Variants in ADGRL2 observed in about 807,000 individuals in gnomAD.
The protein encoded by ADGRL2 is calcium-independent alpha-latrotoxin receptor 2.
In ADGRL2, 44 loss-of-function variants were observed where a neutral mutation model predicts 157.4. The observed-to-expected ratio is 0.28, with a 90% CI of 0.22 to 0.36. The LOEUF is 0.36. Among genes scored for constraint, ADGRL2 ranks in the 10% least tolerant of loss-of-function variants. The pLI, the probability that ADGRL2 is intolerant of heterozygous loss-of-function variation, is 1.00. For missense variants in ADGRL2, 1,510 were observed against 1,768.9 expected, an observed-to-expected ratio of 0.85 and a Z score of 2.63; for synonymous variants, 585 against 624.7, an observed-to-expected ratio of 0.94 and a Z score of 0.95.
intron 1 of ADGRL2, among the ~76,000 whole-genome samples, chr1:81,341,711 T>TA (rs5775608): frequency 0.23 from 35,437 of 151,974 alleles, 4,514 homozygotes; most frequent in Middle Eastern, 0.36. Context: ...TACCTTTCTA[T>TA]AAAAACATGT....
At chr1:81,357,809 T>A (rs1395627355) in intron 1 of ADGRL2, among the ~76,000 whole-genome samples, 5 of 152,160 alleles carry the variant, frequency 3.3e-5, no homozygotes, top group Non-Finnish European at 7.4e-5. Context: ...GGCTCTAATG[T>A]GCATGCCATT....
chr1:81,534,053 G>T (rs966461904), intron 2 of ADGRL2, among the ~76,000 whole-genome samples: 5 of 152,196 alleles, frequency 3.3e-5, no homozygotes, highest in African/African-American at 1.2e-4. Flanking sequence ...AATTCTGGTT[G>T]TGCTGTTTAT....
intron 3 of ADGRL2, among the ~76,000 whole-genome samples, chr1:81,667,001 C>T (rs1458579527): frequency 6.6e-6 from 1 of 152,098 alleles, no homozygotes; most frequent in Non-Finnish European, 1.5e-5. Flanking sequence ...TAGAAAGTGG[C>T]CACATCTATT....
At chr1:81,907,604 C>CTTTTT (rs199996498) in intron 3 of ADGRL2, among the ~76,000 whole-genome samples, 2 of 148,438 alleles carry the variant, frequency 1.3e-5, no homozygotes, top group Non-Finnish European at 3.0e-5. Flanking sequence ...TGCTACTTAA[C>CTTTTT]TTTTTTTTTT....
intron 1 of ADGRL2, among the ~76,000 whole-genome samples, chr1:81,834,260 G>C (rs2092143073): frequency 6.6e-6 from 1 of 152,124 alleles, no homozygotes; most frequent in Non-Finnish European, 1.5e-5. Flanking sequence ...ATTAATGTGG[G>C]AATCATTTGA....
chr1:81,577,471 C>T (rs2080820765), intron 2 of ADGRL2, among the ~76,000 whole-genome samples: 1 of 152,134 alleles, frequency 6.6e-6, no homozygotes, highest in Non-Finnish European at 1.5e-5. Flanking sequence ...TCGCTAGTCT[C>T]CTTGGTGATA....
At chr1:81,401,999 G>A (rs1405958843) in intron 1 of ADGRL2, among the ~76,000 whole-genome samples, 1 of 152,112 alleles carries the variant, frequency 6.6e-6, no homozygotes, top group South Asian at 2.1e-4. Context: ...TTGTTTGTTT[G>A]TTTGTTTTGC....
intron 3 of ADGRL2, among the ~76,000 whole-genome samples, chr1:81,644,501 A>G (rs1278171956): frequency 6.6e-6 from 1 of 152,222 alleles, no homozygotes; most frequent in Admixed American, 6.5e-5. Context: ...TAAAATATAC[A>G]AAGAACTCCT....
At chr1:81,725,290 A>G (rs2149146741) in intron 1 of ADGRL2, among the ~76,000 whole-genome samples, 1 of 151,602 alleles carries the variant, frequency 6.6e-6, no homozygotes, top group Non-Finnish European at 1.5e-5. Context: ...TTGTAATCCC[A>G]GCACTTTGGG....
intron 2 of ADGRL2, among the ~76,000 whole-genome samples, chr1:81,537,996 G>A (rs138833750): frequency 1.7e-4 from 26 of 152,058 alleles, no homozygotes; most frequent in Middle Eastern, 3.2e-3. Flanking sequence ...CACCATGCCC[G>A]GCCGTGTCTC....
chr1:81,889,208 G>A (rs1317410098), intron 2 of ADGRL2, among the ~76,000 whole-genome samples: 1 of 152,210 alleles, frequency 6.6e-6, no homozygotes, highest in African/African-American at 2.4e-5. Context: ...ATTAAGCTTA[G>A]TGAGGAAGGC....
chr1:81,707,514 A>T (rs2083776888), intron 1 of ADGRL2, among the ~76,000 whole-genome samples: 1 of 152,204 alleles, frequency 6.6e-6, no homozygotes, highest in African/African-American at 2.4e-5. Flanking sequence ...TTCTCACAAA[A>T]GCTTTGCTAT....
chr1:81,983,904 A>G (rs1339471652), intron 19 of ADGRL2, among the ~76,000 whole-genome samples: 1 of 150,866 alleles, frequency 6.6e-6, no homozygotes, highest in African/African-American at 2.4e-5. Context: ...TGTGAATGAA[A>G]ATTGCATAAA....
intron 1 of ADGRL2, among the ~76,000 whole-genome samples, chr1:81,834,970 C>T (rs2092190432): frequency 1.3e-5 from 2 of 152,104 alleles, no homozygotes; most frequent in Non-Finnish European, 2.9e-5. Context: ...TGGTTTCCTC[C>T]TCCTTTTTCC....
chr1:81,708,242 G>GT (rs2083806299), intron 1 of ADGRL2, among the ~76,000 whole-genome samples: 1 of 152,090 alleles, frequency 6.6e-6, no homozygotes, highest in Admixed American at 6.6e-5. Context: ...AGAGAATGCC[G>GT]TGCTTCACAT....
At chr1:81,525,094 CA>C (rs2079421553) in intron 2 of ADGRL2, among the ~76,000 whole-genome samples, 1 of 151,960 alleles carries the variant, frequency 6.6e-6, no homozygotes, top group Non-Finnish European at 1.5e-5. Context: ...CATCACTATT[CA>C]AAAAATAAAC....
At chr1:81,931,989 C>T (rs1341343891) in intron 3 of ADGRL2, among the ~76,000 whole-genome samples, 1 of 152,078 alleles carries the variant, frequency 6.6e-6, no homozygotes, top group Non-Finnish European at 1.5e-5. Flanking sequence ...CCTCTGAGTT[C>T]TCTCTAAAAA....
chr1:81,925,647 C>G (rs2095087107), intron 3 of ADGRL2, among the ~76,000 whole-genome samples: 1 of 150,762 alleles, frequency 6.6e-6, no homozygotes, highest in Non-Finnish European at 1.5e-5. Flanking sequence ...AATACTTTGA[C>G]AAAGATGCGT....
chr1:81,322,624 C>T (rs1236278709), intron 1 of ADGRL2, among the ~76,000 whole-genome samples: 1 of 152,078 alleles, frequency 6.6e-6, no homozygotes, highest in Non-Finnish European at 1.5e-5. Flanking sequence ...GATCTCATTA[C>T]ATTCTCCTAT....
Sources: gnomAD v4.1 joint callset for allele counts (sites outside exome capture counted in the v4.1 genomes callset) on GRCh38, gnomAD v4.1.1 for gene constraint, MANE v1.5 for transcripts, NCBI Gene and HGNC (gene_info 2026-07-23, HGNC 2026-07-21) for gene names.